The following ABCA6 variants were observed in gnomAD, a reference collection of about 807,000 sequenced individuals.
ABCA6 encodes the protein ATP binding cassette subfamily A member 6, also known as ATP-binding cassette sub-family A member 6.
Under a neutral mutation model 191.2 loss-of-function variants are expected in ABCA6, and 164 were observed. That is an observed-to-expected ratio of 0.86 (90% CI 0.76 to 0.98). ABCA6 has a LOEUF of 0.98. Ranked by LOEUF, ABCA6 falls within the 50% of genes least tolerant of loss-of-function variation. The probability of loss-of-function intolerance (pLI) is 0.00; values close to 1 mark genes in which losing one functional copy is unlikely to be tolerated. For synonymous variants in ABCA6, 636 were observed against 647.7 expected, an observed-to-expected ratio of 0.98 and a Z score of 0.27; for missense variants, 1,958 against 1,894.1, an observed-to-expected ratio of 1.03 and a Z score of -0.63.
At chr17:69,137,538 T>A (rs2073969294) in intron 2 of ABCA6, 38 bp from the exon 3 acceptor site, 2 of 1,569,888 alleles carry the variant, frequency 1.3e-6, no homozygotes, top group Non-Finnish European at 1.7e-6. Context: ...TGAATTAAGG[T>A]TGCATTCACT....
chr17:69,110,676 G>C, intron 17 of ABCA6, 125 bp downstream of exon 17: 1 of 1,120,422 alleles, frequency 8.9e-7, no homozygotes, highest in Non-Finnish European at 1.2e-6. Flanking sequence ...TTCCTCTTGA[G>C]TTCTGCTTCT....
At position 69,117,919 on chromosome 17, in the gene ABCA6, C is replaced by T. The variant is rs1268963414; in HGVS notation, c.1474G>A (p.Gly492Arg). 6.3e-7 allele frequency: 1 copy of T among 1,582,502 alleles called. No homozygotes were observed. The highest frequency in any genetic ancestry group is 8.6e-7 in the Non-Finnish European group (1 of 1,158,436). ...TTACCTTTCAATGCTTCCACTTTTC[C>T]AGATTTTCCTTTATATTCCTTCTTA... ...NVKKEYKGKS[G>R]KVEALKGLLF... Residue 492 changes from glycine to arginine, a missense_variant, in exon 11 of 39, where the codon GGA becomes AGA. By Grantham distance (125) the Gly-to-Arg change is moderately radical (BLOSUM62 -2). Coordinates refer to ENST00000284425, the MANE Select transcript of ABCA6 (RefSeq NM_080284.3).
intron 25 of ABCA6, 34 bp from the exon 26 acceptor site, chr17:69,091,296 A>G (rs1187123122): frequency 6.2e-7 from 1 of 1,600,060 alleles, no homozygotes; most frequent in African/African-American, 1.3e-5. Context: ...TGTATCAGAC[A>G]TACTCAACCC....
chr17:69,082,685 G>T (rs568389177), intron 36 of ABCA6, among the ~76,000 whole-genome samples, 188 bp downstream of exon 36: 4 of 152,224 alleles, frequency 2.6e-5, no homozygotes, highest in Admixed American at 2.6e-4. Context: ...TGCCTGGTCT[G>T]CCCCAGGGGA....
rs868185042 is a variant in ABCA6, at chr17:69,082,919, G to A, written c.4570C>T (p.His1524Tyr). The A allele has an allele frequency of 1.2e-6, 2 of 1,614,052 alleles. No individual in the cohort carries two copies. The highest frequency in any genetic ancestry group is 1.1e-5 in the South Asian group (1 of 91,088). ...VKETSQVTLV[H>Y]TEILKLFPQA... The stretch of plus-strand genomic sequence containing the variant: ...GGGAAAAGCTTCAGAATCTCAGTGT[G>A]GACCAAAGTCACTTGAGACGTTTCC... Residue 1524 changes from histidine (H) to tyrosine (Y), a missense_variant, in exon 36 of 39, where the codon CAC (histidine) becomes TAC (tyrosine). By Grantham distance (83) the His-to-Tyr change is moderately conservative. Coordinates refer to ENST00000284425, the MANE Select transcript of ABCA6 (RefSeq NM_080284.3).
In ABCA6 at chr17:69,084,470, C is replaced by T. The variant is rs774961165; in HGVS notation, c.4222G>A (p.Val1408Ile). Residue 1408 changes from valine to isoleucine, a missense_variant, in exon 33 of 39, where the codon GTT becomes ATT. Val to Ile is a conservative substitution (Grantham distance 29). Transcript: ENST00000284425. Reference sequence around the variant, plus strand: ...CCTGCTGTTAATTTCTGCACAGGAACATTCAGCTGCTCATGCAGTTTGAAA... The same window carrying T: ...CCTGCTGTTAATTTCTGCACAGGAATATTCAGCTGCTCATGCAGTTTGAAA... ...SAFKLHEQLNVPVQKLTAGIT... is the reference protein window; with the variant it reads ...SAFKLHEQLNIPVQKLTAGIT... 6.2e-7 allele frequency: 1 copy of T among 1,614,182 alleles called. No individual in the cohort carries two copies.
chr17:69,105,512 C>T lies in ABCA6; in HGVS notation c.2690G>A (p.Gly897Glu). Residue 897 changes from glycine to glutamate, a missense_variant, in exon 20 of 39, where the codon GGA becomes GAA. Physicochemically the swap from Gly to Glu is moderately conservative, Grantham distance 98. Coordinates refer to ENST00000284425, the MANE Select transcript of ABCA6 (RefSeq NM_080284.3). The part of the protein sequence containing the change: ...FKNELYFLSP[G>E]QLPQEPRTSL... ...GGTACGGGGTTCCTGGGGAAGTTGT[C>T]CAGGAGAGAGAAAATACAATTCGTT... 6.2e-7 allele frequency: 1 copy of T among 1,611,344 alleles called. No homozygotes were observed. Among genetic ancestry groups the T allele is most frequent in the South Asian group, 1.1e-5 (1 of 90,808 alleles).
rs949099037 is a variant in ABCA6 at position 69,096,552 on chromosome 17, A to C, written c.3294+76T>G. Reference sequence around the variant, plus strand: ...TACAAAATATGAATTAAAACATCTTAACTACTTAAAATAACAATGTTAAAA... The same window carrying C: ...TACAAAATATGAATTAAAACATCTTCACTACTTAAAATAACAATGTTAAAA... On this transcript the variant is annotated intron_variant, in intron 24 of 38. Coordinates refer to ENST00000284425, the MANE Select transcript of ABCA6 (RefSeq NM_080284.3). 2.0e-5 allele frequency: 23 copies of C among 1,127,254 alleles called. No homozygotes were observed. In the East Asian group the frequency reaches 3.2e-4, roughly 16 times the overall value. The allele number at this position is 1,127,254 out of a possible 1,614,324, so 69.8% of individuals were successfully genotyped here.
Position 69,134,685 on chromosome 17 carries a change from C to G in ABCA6, c.518G>C (p.Arg173Thr). The change falls in exon 5 of 39, where the codon AGA becomes ACA. Residue 173 changes from arginine (R) to threonine (T), a missense_variant. Arg to Thr is a moderately conservative substitution (Grantham distance 71, BLOSUM62 -1). Transcript: ENST00000284425. ...AGCTGTTTGTAAAGCCACAAATCCTCTATTCCAGTATTTGGTCAATGTACA... is the reference window on the plus strand; with the variant it reads ...AGCTGTTTGTAAAGCCACAAATCCTGTATTCCAGTATTTGGTCAATGTACA... ...FSCTLTKYWN[R>T]GFVALQTAIN... The G allele has an allele frequency of 6.2e-7, 1 of 1,613,840 alleles. No individual in the cohort carries two copies. The highest frequency in any genetic ancestry group is 8.5e-7 in the Non-Finnish European group (1 of 1,179,906).
intron 26 of ABCA6, among the ~76,000 whole-genome samples, chr17:69,090,309 T>C (rs1162681584): frequency 1.3e-5 from 2 of 152,194 alleles, no homozygotes; most frequent in African/African-American, 4.8e-5. Flanking sequence ...GTTCTCCACT[T>C]AACTTTCTTG....
intron 25 of ABCA6, among the ~76,000 whole-genome samples, chr17:69,091,911 G>T (rs2072932327): frequency 6.6e-6 from 1 of 152,086 alleles, no homozygotes; most frequent in Non-Finnish European, 1.5e-5. Flanking sequence ...TAACAATATT[G>T]CTAATGAATA....
chr17:69,113,684 A>T lies in ABCA6; in HGVS notation c.1836T>A (p.Ala612=), dbSNP rs749804112. 5.0e-6 allele frequency: 8 copies of T among 1,612,954 alleles called. 1 individual carries two copies. In the South Asian group the frequency reaches 8.8e-5, roughly 18 times the overall value. ...TTTTCTGTCCTTCACTTAAATGTTT[A>T]GCAAGGTTATCTTGAATGTTTTGCA... ...LDMQNIQDNL[A]KHLSEGQKRK... is the part of the protein sequence containing the mutation. The change falls in exon 14 of 39, where the codon GCT becomes GCA. Residue 612 remains alanine (A), a synonymous_variant. Coordinates refer to ENST00000284425, the MANE Select transcript of ABCA6 (RefSeq NM_080284.3).
intron 6 of ABCA6, among the ~76,000 whole-genome samples, chr17:69,131,188 C>G (rs2073855099): frequency 6.6e-6 from 1 of 152,144 alleles, no homozygotes; most frequent in African/African-American, 2.4e-5. Flanking sequence ...AGTTCATCTA[C>G]TTAACACTGA....
intron 37 of ABCA6, among the ~76,000 whole-genome samples, chr17:69,080,162 G>T (rs186771870): frequency 8.5e-5 from 13 of 152,220 alleles, no homozygotes; most frequent in Non-Finnish European, 1.0e-4. Context: ...ACAAAGCAGA[G>T]ATATATATTA....
chr17:69,092,219 T>A (rs946413560), intron 25 of ABCA6, among the ~76,000 whole-genome samples: 6 of 152,220 alleles, frequency 3.9e-5, no homozygotes, highest in African/African-American at 1.4e-4. Context: ...TCCCAGATCT[T>A]ATTAATGTAC....
At chr17:69,109,505 C>T (rs1251298405) in intron 17 of ABCA6, 3 of 152,186 alleles carry the variant, frequency 2.0e-5, no homozygotes, top group African/African-American at 4.8e-5. Flanking sequence ...CAAAATAGTA[C>T]ATGCACAATT....
chr17:69,131,131 G>A (rs576608841), intron 6 of ABCA6, among the ~76,000 whole-genome samples: 8 of 152,178 alleles, frequency 5.3e-5, no homozygotes, highest in South Asian at 2.1e-4. Context: ...AGAATAAATC[G>A]GTAACAAAGT....
chr17:69,123,457 C>A (rs376479981), intron 9 of ABCA6, 50 bp from the exon 10 acceptor site: 2 of 1,265,096 alleles, frequency 1.6e-6, no homozygotes. Flanking sequence ...TAAAAGAATG[C>A]GCAAAGAAGC....
chr17:69,112,202 C>T lies in ABCA6; in HGVS notation c.2113G>A (p.Gly705Ser), dbSNP rs1598472750. 4 of 1,611,506 alleles carry T rather than the reference C, an allele frequency of 2.5e-6. No individual in the cohort carries two copies. Among genetic ancestry groups the T allele is most frequent in the Non-Finnish European group, 2.5e-6 (3 of 1,178,234 alleles). Reference protein sequence around the residue: ...GSSMFLKRRWGLGYHLSLHRN... With the variant: ...GSSMFLKRRWSLGYHLSLHRN... ...CTTTACCTTAGGTGATATCCAAGAC[C>T]CCACCTTCTTTTCAAAAACATAGAA... is the stretch of plus-strand genomic sequence containing the variant. Residue 705 changes from glycine (G) to serine (S), a missense_variant, in exon 16 of 39, where the codon GGT becomes AGT. Physicochemically the swap from Gly to Ser is moderately conservative, Grantham distance 56 (BLOSUM62 0). Transcript: ENST00000284425.
Sources: allele counts gnomAD v4.1 joint callset (sites outside exome capture counted in the v4.1 genomes callset), GRCh38; gene constraint gnomAD v4.1.1; transcripts MANE v1.5; gene names NCBI Gene and HGNC (gene_info 2026-07-23, HGNC 2026-07-21).